FGF1: variants seen among roughly 807,000 people sequenced by gnomAD.
FGF1 encodes beta-endothelial cell growth factor.
FGF1 carries 9 observed loss-of-function variants against 13.4 expected under a neutral mutation model. The observed-to-expected ratio is 0.67, with a 90% CI of 0.40 to 1.17. FGF1 has a LOEUF of 1.17. Ranked by LOEUF, FGF1 falls within the 50% of genes most tolerant of loss-of-function variation. FGF1 has a pLI of 0.01. For missense variants in FGF1, 156 were observed against 192.7 expected (o/e 0.81, Z 1.13); for synonymous variants, 93 against 79.0 (o/e 1.18, Z -0.94).
chr5:142,679,879 G>A (rs1773392277), intron 1 of FGF1: 2 of 152,238 alleles, frequency 1.3e-5, no homozygotes, highest in Admixed American at 6.5e-5. Flanking sequence ...AAGCACCATA[G>A]GCTGGGTGGC....
intron 1 of FGF1, among the ~76,000 whole-genome samples, chr5:142,678,842 G>A (rs985747728): frequency 2.6e-5 from 4 of 152,182 alleles, no homozygotes; most frequent in Admixed American, 6.5e-5. Context: ...GTACTGACAG[G>A]AGAGTCCCTA....
intron 2 of FGF1, among the ~76,000 whole-genome samples, chr5:142,694,649 C>A (rs765462752): frequency 6.6e-6 from 1 of 152,100 alleles, no homozygotes; most frequent in East Asian, 1.9e-4. Context: ...ACCCTGGTGG[C>A]GGGTAGGAGA....
chr5:142,601,489 T>C (rs1334107748), intron 2 of FGF1, among the ~76,000 whole-genome samples: 1 of 152,048 alleles, frequency 6.6e-6, no homozygotes, highest in African/African-American at 2.4e-5. Context: ...CACCAGCTTC[T>C]GATGGGGGGA....
chr5:142,665,979 C>A (rs1029127458), intron 1 of FGF1, among the ~76,000 whole-genome samples: 2 of 152,062 alleles, frequency 1.3e-5, no homozygotes, highest in Non-Finnish European at 2.9e-5. Context: ...CAAGGTGAGA[C>A]CCCCTGCTCC....
At chr5:142,643,743 G>A (rs914073358) in intron 1 of FGF1, among the ~76,000 whole-genome samples, 1 of 152,188 alleles carries the variant, frequency 6.6e-6, no homozygotes, top group African/African-American at 2.4e-5. Context: ...CATGTTTTCT[G>A]TCAACAGACT....
At chr5:142,606,218 C>CTCTGTGTGTATG (rs151219206) in intron 2 of FGF1, among the ~76,000 whole-genome samples, 2 of 143,068 alleles carry the variant, frequency 1.4e-5, no homozygotes, top group African/African-American at 5.2e-5. Flanking sequence ...CTTTCTCTCT[C>CTCTGTGTGTATG]TGTGTGTGTG....
At chr5:142,629,929 T>C (rs567420037) in intron 1 of FGF1, among the ~76,000 whole-genome samples, 1 of 149,734 alleles carries the variant, frequency 6.7e-6, no homozygotes, top group Non-Finnish European at 1.5e-5. Context: ...AGTCTCGCTC[T>C]GTTGGCCAGG....
intron 2 of FGF1, among the ~76,000 whole-genome samples, chr5:142,693,312 A>G (rs1247490272): frequency 6.6e-6 from 1 of 151,752 alleles, no homozygotes; most frequent in African/African-American, 2.4e-5. Flanking sequence ...ATTTTTTGAG[A>G]CAGAGTCTCA....
At chr5:142,675,922 G>T (rs1183643015) in intron 1 of FGF1, among the ~76,000 whole-genome samples, 1 of 152,176 alleles carries the variant, frequency 6.6e-6, no homozygotes, top group African/African-American at 2.4e-5. Flanking sequence ...AAGCCTTTTT[G>T]TGCATTGAGC....
At chr5:142,674,732 A>G (rs1772182790) in intron 1 of FGF1, among the ~76,000 whole-genome samples, 1 of 152,172 alleles carries the variant, frequency 6.6e-6, no homozygotes, top group Admixed American at 6.5e-5. Flanking sequence ...CAGTGTATGA[A>G]AAGACTTTAA....
At chr5:142,646,848 T>C (rs1766251164) in intron 1 of FGF1, among the ~76,000 whole-genome samples, 1 of 152,178 alleles carries the variant, frequency 6.6e-6, no homozygotes, top group African/African-American at 2.4e-5. Context: ...CACCACCTGA[T>C]GTCTGACCCT....
At chr5:142,624,648 T>C (rs2151909092) in intron 1 of FGF1, among the ~76,000 whole-genome samples, 1 of 152,332 alleles carries the variant, frequency 6.6e-6, no homozygotes, top group Middle Eastern at 3.4e-3. Context: ...TGTCCCCTGG[T>C]TTCTAGAATC....
chr5:142,622,161 T>C (rs935894372), intron 1 of FGF1, among the ~76,000 whole-genome samples: 1 of 152,268 alleles, frequency 6.6e-6, no homozygotes, highest in East Asian at 1.9e-4. Flanking sequence ...TGATGGGCAT[T>C]TGATAAACAT....
chr5:142,682,553 C>T, intron 1 of FGF1, among the ~76,000 whole-genome samples: 1 of 152,144 alleles, frequency 6.6e-6, no homozygotes, highest in East Asian at 1.9e-4. Flanking sequence ...AAACCAAGGG[C>T]CAAAGTCACA....
At chr5:142,645,994 T>C (rs376133757) in intron 1 of FGF1, among the ~76,000 whole-genome samples, 8 of 152,148 alleles carry the variant, frequency 5.3e-5, no homozygotes, top group South Asian at 4.1e-4. Flanking sequence ...TTGCAAGCTC[T>C]GCCTCCCGCG....
At chr5:142,687,579 C>T (rs1751463847), upstream of FGF1, among the ~76,000 whole-genome samples, 1 of 152,184 alleles carries the variant, frequency 6.6e-6, no homozygotes, top group African/African-American at 2.4e-5. Context: ...TGAGTATCTG[C>T]AAGTTTCCAA....
At position 142,594,110 on chromosome 5, in the gene FGF1, G is replaced by A. The variant is rs1754778360; in HGVS notation, c.*1180C>T. On this transcript the variant is annotated 3_prime_UTR_variant, in exon 4 of 4. Coordinates refer to ENST00000337706, the MANE Select transcript of FGF1 (RefSeq NM_000800.5). ...GAATGCTCAGGTAGACTCATGAGGTGTGCATTTTTAAGGGTTAGTTGAGGT... is the reference window on the plus strand; with the variant it reads ...GAATGCTCAGGTAGACTCATGAGGTATGCATTTTTAAGGGTTAGTTGAGGT... The A allele has an allele frequency of 6.6e-6, 1 of 152,296 alleles. No homozygotes were observed. Among genetic ancestry groups the A allele is most frequent in the African/African-American group, 2.4e-5 (1 of 41,436 alleles). The allele number at this position is 152,296 out of a possible 1,614,324, so 9.4% of individuals were successfully genotyped here.
At chr5:142,687,663 T>C (rs1751471668), upstream of FGF1, among the ~76,000 whole-genome samples, 1 of 152,248 alleles carries the variant, frequency 6.6e-6, no homozygotes, top group Non-Finnish European at 1.5e-5. Context: ...TTATGCTAGA[T>C]GTAGTATGCA....
upstream of FGF1, among the ~76,000 whole-genome samples, chr5:142,689,496 T>C (rs771567745): frequency 2.0e-5 from 3 of 152,102 alleles, no homozygotes; most frequent in Non-Finnish European, 4.4e-5. Context: ...CTGAGTCCAA[T>C]GACCCTCAAG....
Sources: gnomAD v4.1 joint callset for allele counts (sites outside exome capture counted in the v4.1 genomes callset) on GRCh38, gnomAD v4.1.1 for gene constraint, MANE v1.5 for transcripts, NCBI Gene and HGNC (gene_info 2026-07-23, HGNC 2026-07-21) for gene names.